Variants in TULP3 observed in about 807,000 individuals in gnomAD.
TULP3 encodes the protein TUB like protein 3.
In TULP3, 38 loss-of-function variants were observed where a neutral mutation model predicts 50.7. That is an observed-to-expected ratio of 0.75 (90% CI 0.58 to 0.98). The LOEUF (loss-of-function observed/expected upper bound fraction) is 0.98, where lower values mean the gene tolerates loss of function less well. Among genes scored for constraint, TULP3 ranks in the 50% least tolerant of loss-of-function variants. The pLI is 0.00. For synonymous variants in TULP3, 183 were observed against 196.6 expected, an observed-to-expected ratio of 0.93 and a Z score of 0.58; for missense variants, 550 against 568.0, an observed-to-expected ratio of 0.97 and a Z score of 0.32.
intron 10 of TULP3, 81 bp downstream of exon 10, chr12:2,938,366 T>C: frequency 1.4e-6 from 2 of 1,444,392 alleles, no homozygotes; most frequent in Non-Finnish European, 1.9e-6. Context: ...CTGTACATGA[T>C]AGGAAGTGAC....
At chr12:2,925,324 C>T (rs7314303) in intron 4 of TULP3, among the ~76,000 whole-genome samples, 72,336 of 151,802 alleles carry the variant, frequency 0.48, 17,668 homozygotes, top group African/African-American at 0.59. Flanking sequence ...GATCGTTTGA[C>T]TGATGATGGC....
At chr12:2,902,632 A>G (rs2098179881) in intron 1 of TULP3, among the ~76,000 whole-genome samples, 1 of 152,240 alleles carries the variant, frequency 6.6e-6, no homozygotes, top group Non-Finnish European at 1.5e-5. Flanking sequence ...AGAGTCCCGA[A>G]TAATCATAGA....
intron 2 of TULP3, among the ~76,000 whole-genome samples, chr12:2,916,675 A>G (rs2098188865): frequency 6.6e-6 from 1 of 152,174 alleles, no homozygotes; most frequent in Non-Finnish European, 1.5e-5. Flanking sequence ...GGGAAGTAAA[A>G]TATAGATGGA....
At chr12:2,914,344 G>A (rs190645764) in intron 2 of TULP3, among the ~76,000 whole-genome samples, 1 of 151,554 alleles carries the variant, frequency 6.6e-6, no homozygotes, top group South Asian at 2.1e-4. Flanking sequence ...GGCTGGTCTC[G>A]AACTCCCGAC....
intron 1 of TULP3, among the ~76,000 whole-genome samples, chr12:2,900,521 C>G (rs1184073325): frequency 6.6e-6 from 1 of 152,142 alleles, no homozygotes; most frequent in Admixed American, 6.6e-5. Context: ...CTTTCCTATT[C>G]TGCTACCCTT....
rs373479214 is a variant in TULP3, at chr12:2,930,383, T to G, written c.492+38T>G. ...GAAACTTCTTCCATTAGAGCTAATTTGACTCTTTCTCAAACATATCTTCAG... is the reference window on the plus strand; with the variant it reads ...GAAACTTCTTCCATTAGAGCTAATTGGACTCTTTCTCAAACATATCTTCAG... On this transcript the variant is annotated intron_variant, in intron 5 of 10. Coordinates refer to ENST00000448120, the MANE Select transcript of TULP3 (RefSeq NM_003324.5). 1.3e-4 allele frequency: 171 copies of G among 1,334,164 alleles called. No individual in the cohort carries two copies. The African/African-American group carries it at 2.2e-3, about 17-fold the overall frequency. 82.6% of individuals were successfully genotyped at this position (1,334,164 alleles called of 1,614,324 possible). A position where few individuals can be genotyped will look rare whatever the true frequency, so the allele number is the denominator to read the frequency against.
At chr12:2,891,091 G>A in intron 1 of TULP3, 103 bp downstream of exon 1, 1 of 1,328,210 alleles carries the variant, frequency 7.5e-7, no homozygotes, top group South Asian at 1.5e-5. Flanking sequence ...GGCGGGACTC[G>A]GGACTTGGCG....
intron 7 of TULP3, 128 bp downstream of exon 7, chr12:2,933,658 A>T (rs1044913582): frequency 5.9e-5 from 13 of 220,084 alleles, no homozygotes; most frequent in Admixed American, 1.9e-4. Context: ...AAGAAAAAGG[A>T]AAAAAAAAAA....
chr12:2,936,057 A>G (rs940531359), intron 8 of TULP3, among the ~76,000 whole-genome samples: 1 of 151,844 alleles, frequency 6.6e-6, no homozygotes, highest in Non-Finnish European at 1.5e-5. Context: ...ACCTGAAGTC[A>G]GGAGGTGGAG....
At position 2,920,819 on chromosome 12, in the gene TULP3, G is replaced by A. The variant is rs765458545; in HGVS notation, c.150G>A (p.Gln50=). 1.2e-6 allele frequency: 2 copies of A among 1,614,034 alleles called. No homozygotes were observed. The highest frequency in any genetic ancestry group is 1.3e-5 in the African/African-American group (1 of 74,916). The change falls in exon 3 of 11, where the codon CAG becomes CAA. Residue 50 remains glutamine, a synonymous_variant. Coordinates refer to ENST00000448120, the MANE Select transcript of TULP3 (RefSeq NM_003324.5). The part of the protein sequence containing the change: ...RKKRLEPFMV[Q]PNPEARLRRA... The stretch of plus-strand genomic sequence containing the variant: ...AGCGCCTTGAGCCATTTATGGTGCA[G>A]CCCAATCCAGAAGCCAGGCTACGTC...
At chr12:2,891,048 C>T (rs2098171572) in intron 1 of TULP3, 60 bp downstream of exon 1, 2 of 1,473,610 alleles carry the variant, frequency 1.4e-6, no homozygotes, top group South Asian at 1.3e-5. Flanking sequence ...AGCGAGAAGG[C>T]GGAGGTCCTC....
chr12:2,922,358 A>C lies in TULP3; in HGVS notation c.350A>C (p.Asp117Ala). ...GAAGAAGATGCTGAAAACACCGTGGATACTGCTTCCAAGCCAGGACTTCAG... is the reference window on the plus strand; with the variant it reads ...GAAGAAGATGCTGAAAACACCGTGGCTACTGCTTCCAAGCCAGGACTTCAG... The part of the protein sequence containing the change: ...VVEEDAENTV[D>A]TASKPGLQER... Residue 117 changes from aspartate (D) to alanine (A), a missense_variant, in exon 4 of 11, where the codon GAT becomes GCT. By Grantham distance (126) the Asp-to-Ala change is moderately radical (BLOSUM62 -2). Transcript: ENST00000448120. 1 of 1,614,076 alleles carries C rather than the reference A, an allele frequency of 6.2e-7. No individual in the cohort carries two copies. Among genetic ancestry groups the C allele is most frequent in the Non-Finnish European group, 8.5e-7 (1 of 1,180,008 alleles).
At position 2,939,403 on chromosome 12, in the gene TULP3, A is replaced by G; in HGVS notation, c.1288A>G (p.Ile430Val). 1.2e-6 allele frequency: 2 copies of G among 1,614,192 alleles called. No individual in the cohort carries two copies. The highest frequency in any genetic ancestry group is 2.2e-5 in the South Asian group (2 of 91,082). The stretch of plus-strand genomic sequence containing the variant: ...ACTTTGTGCAGTACAGGCCTTTGGC[A>G]TCGGTCTTTCTAGCTTTGACAGTAA... ...YPLCAVQAFG[I>V]GLSSFDSKLA... Residue 430 changes from isoleucine (I) to valine (V), a missense_variant, in exon 11 of 11, where the codon ATC becomes GTC. Coordinates refer to ENST00000448120, the MANE Select transcript of TULP3 (RefSeq NM_003324.5). The surrounding 1 kb of genome is among the most constrained non-coding windows in gnomAD (Gnocchi z 4.0).
intron 1 of TULP3, among the ~76,000 whole-genome samples, chr12:2,892,291 AACT>A (rs2098172602): frequency 1.3e-5 from 2 of 152,064 alleles, no homozygotes; most frequent in African/African-American, 4.8e-5. Context: ...CGAGGAAGAA[AACT>A]ACATTTACAG....
intron 1 of TULP3, among the ~76,000 whole-genome samples, chr12:2,908,191 C>A (rs140908255): frequency 1.3e-3 from 201 of 152,110 alleles, no homozygotes; most frequent in African/African-American, 4.7e-3. Context: ...GTATATTTGC[C>A]CCAAATGTAG....
chr12:2,940,887 C>G lies in TULP3; in HGVS notation c.*1443C>G. 1.6e-6 allele frequency: 1 copy of G among 638,596 alleles called. No homozygotes were observed. The allele number at this position is 638,596 out of a possible 1,614,324, so 39.6% of individuals were successfully genotyped here. On this transcript the variant is annotated 3_prime_UTR_variant, in exon 11 of 11. Coordinates refer to ENST00000448120, the MANE Select transcript of TULP3 (RefSeq NM_003324.5). The stretch of plus-strand genomic sequence containing the variant: ...GCCTCACACCTCGTCACCACCACCA[C>G]CCCCCACCCCATCCTGAGGCACTGC...
intron 1 of TULP3, among the ~76,000 whole-genome samples, chr12:2,907,401 G>C (rs1294376858): frequency 2.6e-5 from 4 of 151,724 alleles, no homozygotes; most frequent in Non-Finnish European, 4.4e-5. Context: ...CTTGAACCTG[G>C]GAGGCAGAGG....
intron 4 of TULP3, among the ~76,000 whole-genome samples, chr12:2,924,388 T>C (rs911396175): frequency 2.0e-5 from 3 of 151,822 alleles, no homozygotes; most frequent in African/African-American, 7.3e-5. Context: ...ATCTAAGGAG[T>C]AATAGAAGGC....
intron 1 of TULP3, among the ~76,000 whole-genome samples, chr12:2,901,082 G>A (rs1049999170): frequency 6.6e-6 from 1 of 151,404 alleles, no homozygotes; most frequent in Non-Finnish European, 1.5e-5. Flanking sequence ...TTACCCATTC[G>A]GAAAAGTTCT....
Sources: allele counts gnomAD v4.1 joint callset (sites outside exome capture counted in the v4.1 genomes callset), GRCh38; gene constraint gnomAD v4.1.1; non-coding constraint Gnocchi (gnomAD v3.1); transcripts MANE v1.5; gene names NCBI Gene and HGNC (gene_info 2026-07-23, HGNC 2026-07-21).